NCALD: variants seen among roughly 807,000 people sequenced by gnomAD.
The protein encoded by NCALD is neurocalcin delta.
NCALD carries 10 observed loss-of-function variants against 18.6 expected under a neutral mutation model. The ratio of observed to expected loss-of-function variants is 0.54; its 90% CI spans 0.33 to 0.91. The LOEUF is 0.91. Among genes scored for constraint, NCALD ranks in the 40% least tolerant of loss-of-function variants. The pLI is 0.03. For synonymous variants in NCALD, 88 were observed against 87.4 expected (o/e 1.01, Z -0.04); for missense variants, 184 against 247.6 (o/e 0.74, Z 1.72).
chr8:102,043,682 A>G (rs1563568801), intron 1 of NCALD, among the ~76,000 whole-genome samples: 1 of 137,458 alleles, frequency 7.3e-6, no homozygotes, highest in Non-Finnish European at 1.6e-5. Flanking sequence ...AGGAGGAGGA[A>G]GACGAGGAGG....
intron 1 of NCALD, among the ~76,000 whole-genome samples, chr8:101,733,701 A>G (rs976633277): frequency 1.3e-5 from 2 of 152,186 alleles, no homozygotes; most frequent in African/African-American, 2.4e-5. Context: ...AAAGAGCATG[A>G]AAGTGATAGA....
chr8:101,803,143 T>C (rs765985903), intron 4 of NCALD, among the ~76,000 whole-genome samples: 2 of 152,226 alleles, frequency 1.3e-5, no homozygotes, highest in East Asian at 1.9e-4. Context: ...TGTTAGGAGC[T>C]AATGCAAGTG....
chr8:101,992,072 T>C (rs1821069381), intron 2 of NCALD, among the ~76,000 whole-genome samples: 1 of 152,244 alleles, frequency 6.6e-6, no homozygotes, highest in Non-Finnish European at 1.5e-5. Flanking sequence ...ACACTCCATG[T>C]GGCAAGATGC....
chr8:101,777,890 A>G (rs766439718), intron 1 of NCALD, among the ~76,000 whole-genome samples: 1 of 152,220 alleles, frequency 6.6e-6, no homozygotes, highest in Non-Finnish European at 1.5e-5. Context: ...TTGAGCCAAC[A>G]AAAACCACAA....
chr8:101,784,029 C>A (rs1352620958), intron 1 of NCALD, among the ~76,000 whole-genome samples: 1 of 152,150 alleles, frequency 6.6e-6, no homozygotes, highest in Non-Finnish European at 1.5e-5. Flanking sequence ...TACCCCCCCA[C>A]ACCCCAAATC....
chr8:101,954,237 G>C (rs1276598937), intron 2 of NCALD, among the ~76,000 whole-genome samples: 3 of 152,162 alleles, frequency 2.0e-5, no homozygotes, highest in Non-Finnish European at 2.9e-5. Flanking sequence ...ATGGTGACTT[G>C]GACATCAGTA....
chr8:102,107,195 C>CATTATAT (rs1825486031), intron 1 of NCALD, among the ~76,000 whole-genome samples: 1 of 89,302 alleles, frequency 1.1e-5, no homozygotes, highest in South Asian at 4.2e-4. Context: ...TATGTGTGTA[C>CATTATAT]ATATATATAT....
chr8:102,060,970 T>G (rs920090916), intron 1 of NCALD, among the ~76,000 whole-genome samples: 1 of 152,186 alleles, frequency 6.6e-6, no homozygotes, highest in Non-Finnish European at 1.5e-5. Context: ...CCGCTTTTCC[T>G]CATTTTCCAC....
chr8:101,774,054 T>C (rs900373850), intron 1 of NCALD, among the ~76,000 whole-genome samples: 1 of 152,184 alleles, frequency 6.6e-6, no homozygotes, highest in Non-Finnish European at 1.5e-5. Flanking sequence ...TGGTAATTTG[T>C]CTCTTAAGCA....
chr8:101,733,871 A>G (rs1283023419), intron 1 of NCALD, among the ~76,000 whole-genome samples: 1 of 152,240 alleles, frequency 6.6e-6, no homozygotes, highest in Non-Finnish European at 1.5e-5. Flanking sequence ...CTAACCTGAA[A>G]TTAAGCAAAG....
intron 1 of NCALD, among the ~76,000 whole-genome samples, chr8:102,091,976 C>T (rs1824938597): frequency 6.6e-6 from 1 of 152,170 alleles, no homozygotes; most frequent in South Asian, 2.1e-4. Flanking sequence ...AGAGCAAATT[C>T]ATCTTGAATA....
intron 4 of NCALD, among the ~76,000 whole-genome samples, chr8:101,860,464 G>A (rs1336786822): frequency 6.6e-6 from 1 of 152,146 alleles, no homozygotes; most frequent in Non-Finnish European, 1.5e-5. Flanking sequence ...AGAAACACAT[G>A]AACAAGAAAC....
chr8:101,856,929 T>A (rs1269925277), intron 4 of NCALD, among the ~76,000 whole-genome samples: 1 of 152,092 alleles, frequency 6.6e-6, no homozygotes, highest in Non-Finnish European at 1.5e-5. Context: ...ACTTTGACTC[T>A]CTTCCCCACT....
chr8:101,942,143 C>G (rs1326978150), intron 2 of NCALD, among the ~76,000 whole-genome samples: 2 of 152,130 alleles, frequency 1.3e-5, no homozygotes, highest in Non-Finnish European at 2.9e-5. Context: ...TATAGCTTGT[C>G]TAGAGAATAG....
rs757048966 is a variant in NCALD, at chr8:102,005,895, G to C, written c.-157+14342C>G. Among the ~76,000 whole-genome samples the C allele has an allele frequency of 9.5e-3, 1,311 of 137,660 alleles. 9 individuals are homozygous for C. Among genetic ancestry groups the C allele is most frequent in the Non-Finnish European group, 0.012 (745 of 63,530 alleles). 90.3% of individuals were successfully genotyped at this position (137,660 alleles called of 152,430 possible). On this transcript the variant is annotated intron_variant, in intron 2 of 6. Coordinates refer to the NCALD transcript ENST00000311028. ...GCCTGTTGTGGGGTGGGGGGGCAGG[G>C]GGGAGGGATAGCATTAGGAGATATA... is the stretch of plus-strand genomic sequence containing the variant.
At chr8:101,743,175 G>C (rs1810285774) in intron 1 of NCALD, among the ~76,000 whole-genome samples, 1 of 152,148 alleles carries the variant, frequency 6.6e-6, no homozygotes, top group Non-Finnish European at 1.5e-5. Flanking sequence ...TAGCACATGA[G>C]AGATGCTTGG....
chr8:101,809,311 C>T (rs893652332), intron 4 of NCALD, among the ~76,000 whole-genome samples: 4 of 152,060 alleles, frequency 2.6e-5, no homozygotes, highest in Admixed American at 1.3e-4. Flanking sequence ...CTTCTTTCAC[C>T]CTGCCTGCCT....
chr8:101,746,002 G>A (rs1409824877), intron 1 of NCALD: 1 of 152,188 alleles, frequency 6.6e-6, no homozygotes, highest in Admixed American at 6.5e-5. Flanking sequence ...AGCTGGGAAT[G>A]AACACACATT....
At chr8:101,807,389 G>C (rs1417707158) in intron 4 of NCALD, among the ~76,000 whole-genome samples, 1 of 152,124 alleles carries the variant, frequency 6.6e-6, no homozygotes, top group East Asian at 1.9e-4. Flanking sequence ...CAAAGGAAAA[G>C]GGGGAAGAGC....
Sources: allele counts gnomAD v4.1 joint callset (sites outside exome capture counted in the v4.1 genomes callset), GRCh38; gene constraint gnomAD v4.1.1; transcripts MANE v1.5; gene names NCBI Gene and HGNC (gene_info 2026-07-23, HGNC 2026-07-21).